BCLAF3: variants seen among roughly 807,000 people sequenced by gnomAD.
The protein encoded by BCLAF3 is BCLAF1 and THRAP3 family member 3, also known as transient octamer binding factor 1.
BCLAF3 carries 24 observed loss-of-function variants against 51.2 expected under a neutral mutation model. That is an observed-to-expected ratio of 0.47 (90% CI 0.34 to 0.66). The LOEUF (loss-of-function observed/expected upper bound fraction) is 0.66. Among genes scored for constraint, BCLAF3 ranks in the 30% least tolerant of loss-of-function variants. The pLI is 0.01. For missense variants in BCLAF3, 465 were observed against 525.1 expected, an observed-to-expected ratio of 0.89 and a Z score of 1.12; for synonymous variants, 152 against 176.6, an observed-to-expected ratio of 0.86 and a Z score of 1.10.
chrX:19,946,266 G>A (rs980531326), intron 8 of BCLAF3, among the ~76,000 whole-genome samples: 6 of 112,266 alleles, frequency 5.3e-5, no homozygotes, highest in Non-Finnish European at 7.5e-5. Context: ...TGTAGACCGG[G>A]GCTGTTCCCA....
Position 19,930,119 on chromosome X carries a change from T to C in BCLAF3, c.1951-179A>G, listed in dbSNP as rs760702196. 2.1e-4 allele frequency: 70 copies of C among 329,324 alleles called. No individual in the cohort carries two copies. The South Asian group carries it at 6.7e-3, about 32-fold the overall frequency. The allele number at this position is 329,324 out of a possible 1,213,427, so 27.1% of individuals were successfully genotyped here. On this transcript the variant is annotated intron_variant, in intron 10 of 11. Coordinates refer to ENST00000379682, the MANE Select transcript of BCLAF3 (RefSeq NM_001367774.2). ...TGAGGTCAGGAGTTCGAGACCAGCC[T>C]GGCCAACATGGTGAAACCCCGTCTC...
At chrX:19,984,692 T>C (rs1357812012) in intron 1 of BCLAF3, among the ~76,000 whole-genome samples, 2 of 111,120 alleles carry the variant, frequency 1.8e-5, no homozygotes, top group South Asian at 7.5e-4. Flanking sequence ...AATTATACTT[T>C]TTTTTTTTTT....
intron 1 of BCLAF3, among the ~76,000 whole-genome samples, chrX:19,974,165 G>A (rs907658977): frequency 8.9e-6 from 1 of 111,929 alleles, no homozygotes; most frequent in African/African-American, 3.3e-5. Context: ...TTCTATACCC[G>A]TTTCATTGGG....
rs1435859776 is a variant in BCLAF3 at position 19,955,503 on chromosome X, T to C, written c.1338A>G (p.Lys446=). Residue 446 remains lysine, a synonymous_variant, in exon 5 of 12, where the codon AAA becomes AAG. Coordinates refer to ENST00000379682, the MANE Select transcript of BCLAF3 (RefSeq NM_001367774.2). ...CAAACACTGGATGAAAGTTCTCACT[T>C]TTCCTGCCAACAGCAACCAAATCAT... ...MSHDLVAVGR[K]SENFHPVFEH... The C allele has an allele frequency of 8.3e-7, 1 of 1,203,118 alleles. No individual in the cohort carries two copies. The highest frequency in any genetic ancestry group is 3.0e-5 in the East Asian group (1 of 33,347).
intron 1 of BCLAF3, among the ~76,000 whole-genome samples, chrX:19,971,238 G>A (rs1174941251): frequency 9.0e-6 from 1 of 111,557 alleles, no homozygotes; most frequent in Non-Finnish European, 1.9e-5. Context: ...GTGCACATCC[G>A]CACCTGGCTA....
intron 7 of BCLAF3, among the ~76,000 whole-genome samples, chrX:19,952,208 C>T (rs1005155549): frequency 1.5e-4 from 17 of 111,544 alleles, no homozygotes; most frequent in African/African-American, 5.2e-4. Context: ...CTGAAAATAT[C>T]ATTTGTTCAA....
chrX:19,958,621 A>G (rs1271615180), intron 4 of BCLAF3, among the ~76,000 whole-genome samples: 2 of 112,137 alleles, frequency 1.8e-5, no homozygotes, highest in African/African-American at 6.5e-5. Context: ...ACAATTGCCT[A>G]CAGTATTCAG....
intron 4 of BCLAF3, among the ~76,000 whole-genome samples, chrX:19,960,829 T>C (rs749249357): frequency 8.3e-4 from 93 of 111,883 alleles, no homozygotes; most frequent in African/African-American, 2.8e-3. Context: ...AAAGAGCTGA[T>C]AGGGGTAGAG....
intron 1 of BCLAF3, among the ~76,000 whole-genome samples, chrX:19,974,829 C>G (rs1308766120): frequency 9.0e-6 from 1 of 110,877 alleles, no homozygotes; most frequent in Non-Finnish European, 1.9e-5. Context: ...TTACAGTGAG[C>G]CGAGATCGCA....
chrX:19,966,602 T>C lies in BCLAF3; in HGVS notation c.89A>G (p.His30Arg). The change falls in exon 3 of 12, where the codon CAT (histidine) becomes CGT (arginine). Residue 30 changes from histidine to arginine, a missense_variant. Coordinates refer to ENST00000379682, the MANE Select transcript of BCLAF3 (RefSeq NM_001367774.2). ...PRNAEHYKQR[H>R]SHGHYGCEYR... ...TTCACAGCCATAATGCCCGTGTGAA[T>C]GTCTTTGCTTGTAGTGTTCAGCATT... is the stretch of plus-strand genomic sequence containing the variant. 8.3e-7 allele frequency: 1 copy of C among 1,211,195 alleles called. No homozygotes were observed. The highest frequency in any genetic ancestry group is 2.3e-4 in the Middle Eastern group (1 of 4,348).
intron 1 of BCLAF3, among the ~76,000 whole-genome samples, chrX:19,989,764 T>C (rs182364013): frequency 9.0e-6 from 1 of 111,538 alleles, no homozygotes; most frequent in Non-Finnish European, 1.9e-5. Context: ...GAACTTGGAA[T>C]AGTGAAACAA....
At chrX:19,937,015 C>T (rs989645939) in intron 9 of BCLAF3, among the ~76,000 whole-genome samples, 2 of 111,455 alleles carry the variant, frequency 1.8e-5, no homozygotes, top group Non-Finnish European at 3.8e-5. Context: ...CCCAAAAAAT[C>T]TTTTTTGAAT....
At position 19,913,608 on chromosome X, in the gene BCLAF3, G is replaced by A. The variant is rs1323617912; in HGVS notation, c.*3697C>T. 1 of 111,690 alleles carries A rather than the reference G, an allele frequency of 9.0e-6. No homozygotes were observed. Among genetic ancestry groups the A allele is most frequent in the Non-Finnish European group, 1.9e-5 (1 of 53,077 alleles). 9.2% of individuals were successfully genotyped at this position (111,690 alleles called of 1,213,427 possible). On this transcript the variant is annotated 3_prime_UTR_variant, in exon 12 of 12. Transcript: ENST00000379682. ...TCTGATTCAGGAGGTCTGGGGTGGG[G>A]CCAAGAATCTGCATTTTTAACAAGT...
intron 1 of BCLAF3, among the ~76,000 whole-genome samples, chrX:19,974,347 G>C (rs1054628988): frequency 9.0e-6 from 1 of 111,539 alleles, no homozygotes; most frequent in Non-Finnish European, 1.9e-5. Context: ...CATTAGAATC[G>C]CCTGGAGGGC....
intron 8 of BCLAF3, among the ~76,000 whole-genome samples, chrX:19,938,058 C>T (rs1008370785): frequency 4.5e-5 from 5 of 111,210 alleles, no homozygotes; most frequent in Admixed American, 9.6e-5. Flanking sequence ...ACAGCCTCCT[C>T]TCTCCCGTCA....
At chrX:19,980,934 G>A (rs1191268953) in intron 1 of BCLAF3, among the ~76,000 whole-genome samples, 2 of 96,310 alleles carry the variant, frequency 2.1e-5, no homozygotes, top group South Asian at 4.9e-4. Flanking sequence ...GTAAGACTCC[G>A]TCTCAAAAAA....
chrX:19,971,476 C>T (rs982057873), intron 1 of BCLAF3, among the ~76,000 whole-genome samples: 16 of 112,052 alleles, frequency 1.4e-4, no homozygotes, highest in Non-Finnish European at 2.6e-4. Flanking sequence ...ATTTAGTTTG[C>T]TTCTGGTTTT....
At chrX:19,959,181 C>T (rs894466318) in intron 4 of BCLAF3, among the ~76,000 whole-genome samples, 3 of 112,051 alleles carry the variant, frequency 2.7e-5, no homozygotes, top group Non-Finnish European at 5.6e-5. Context: ...ATTTCTTTTG[C>T]CTCCATGTGT....
chrX:19,958,646 G>A (rs1050079450), intron 4 of BCLAF3, among the ~76,000 whole-genome samples: 8 of 112,191 alleles, frequency 7.1e-5, no homozygotes, highest in African/African-American at 2.6e-4. Flanking sequence ...GTAACATGCT[G>A]TGCAGGTTTG....
Sources: allele counts gnomAD v4.1 joint callset (sites outside exome capture counted in the v4.1 genomes callset), GRCh38; gene constraint gnomAD v4.1.1; transcripts MANE v1.5; gene names NCBI Gene and HGNC (gene_info 2026-07-23, HGNC 2026-07-21).